The following ASCC3 variants were observed in gnomAD, a reference collection of about 807,000 sequenced individuals.
The protein encoded by ASCC3 is activating signal cointegrator 1 complex subunit 3.
In ASCC3, 158 loss-of-function variants were observed where a neutral mutation model predicts 256.3. The observed-to-expected ratio is 0.62, with a 90% CI of 0.54 to 0.70. The LOEUF (loss-of-function observed/expected upper bound fraction) is 0.70, where lower values mean the gene tolerates loss of function less well. ASCC3 is among the 30% of genes least tolerant of loss of function. The pLI is 0.00. For synonymous variants in ASCC3, 948 were observed against 883.4 expected, an observed-to-expected ratio of 1.07 and a Z score of -1.30; for missense variants, 2,259 against 2,626.0, an observed-to-expected ratio of 0.86 and a Z score of 3.05.
chr6:100,554,235 AGTGT>A (rs944776430), intron 36 of ASCC3, among the ~76,000 whole-genome samples: 3 of 152,190 alleles, frequency 2.0e-5, no homozygotes, highest in African/African-American at 7.2e-5. Context: ...ATGTTGGTTG[AGTGT>A]GTGTGTATTT....
intron 13 of ASCC3, among the ~76,000 whole-genome samples, chr6:100,703,634 T>A (rs1034027838): frequency 1.3e-5 from 2 of 151,992 alleles, no homozygotes; most frequent in African/African-American, 4.8e-5. Context: ...TAAATTTTCA[T>A]TATATTCTAC....
At chr6:100,855,423 C>T (rs1772898340) in intron 3 of ASCC3, among the ~76,000 whole-genome samples, 1 of 152,212 alleles carries the variant, frequency 6.6e-6, no homozygotes, top group Non-Finnish European at 1.5e-5. Context: ...AGCCAGTATC[C>T]ATTCTGTTTA....
chr6:100,602,913 A>G (rs987464743), intron 33 of ASCC3, among the ~76,000 whole-genome samples: 10 of 152,142 alleles, frequency 6.6e-5, no homozygotes, highest in African/African-American at 2.4e-4. Context: ...GAAAATAGTT[A>G]TAATAAGTTG....
At chr6:100,739,122 C>T (rs1780311841) in intron 10 of ASCC3, among the ~76,000 whole-genome samples, 1 of 152,154 alleles carries the variant, frequency 6.6e-6, no homozygotes, top group African/African-American at 2.4e-5. Flanking sequence ...TCCTTCAATA[C>T]AGAGTTTATT....
At chr6:100,826,671 T>C (rs1375037766) in intron 4 of ASCC3, among the ~76,000 whole-genome samples, 3 of 152,268 alleles carry the variant, frequency 2.0e-5, no homozygotes, top group East Asian at 3.9e-4. Context: ...GGATAAAGAA[T>C]GAAGGCCTGC....
At chr6:100,664,935 T>A (rs1282887579) in intron 14 of ASCC3, among the ~76,000 whole-genome samples, 1 of 152,194 alleles carries the variant, frequency 6.6e-6, no homozygotes. Context: ...TTAGGTTAAG[T>A]CTGCTTTCTG....
chr6:100,643,525 C>A (rs149364619), intron 23 of ASCC3, among the ~76,000 whole-genome samples: 1 of 152,042 alleles, frequency 6.6e-6, no homozygotes, highest in Non-Finnish European at 1.5e-5. Flanking sequence ...TGTGTCATTA[C>A]GTAATTTTGT....
At chr6:100,685,883 TTTTG>T (rs1230268683) in intron 13 of ASCC3, among the ~76,000 whole-genome samples, 1 of 152,206 alleles carries the variant, frequency 6.6e-6, no homozygotes, top group Non-Finnish European at 1.5e-5. Context: ...ACTACAGAGT[TTTTG>T]TTTTAGATCA....
chr6:100,633,336 G>A (rs115616598), intron 25 of ASCC3, among the ~76,000 whole-genome samples: 1 of 152,004 alleles, frequency 6.6e-6, no homozygotes, highest in African/African-American at 2.4e-5. Context: ...GAAAGACTGT[G>A]GCAGTATCAC....
At position 100,817,898 on chromosome 6, in the gene ASCC3, G is replaced by A. The variant is rs190690286; in HGVS notation, c.802-12018C>T. Among the ~76,000 whole-genome samples the A allele has an allele frequency of 1.6e-4, 25 of 152,146 alleles. No individual in the cohort carries two copies. The East Asian group carries it at 4.6e-3, about 28-fold the overall frequency. ...ACAAAAAGAGAAGAAAACACTTCCC[G>A]ATTCATTTTAGGACAGTATTACTCT... On this transcript the variant is annotated intron_variant, in intron 4 of 41. Transcript: ENST00000369162.
At chr6:100,727,299 A>AGT (rs1779676678) in intron 10 of ASCC3, among the ~76,000 whole-genome samples, 1 of 152,084 alleles carries the variant, frequency 6.6e-6, no homozygotes, top group African/African-American at 2.4e-5. Flanking sequence ...TACCAGAGAT[A>AGT]GTGCTTCACT....
In ASCC3 at chr6:100,687,038, A is replaced by T. The variant is rs397832759; in HGVS notation, c.2152-7286T>A. Reference sequence around the variant, plus strand: ...CTCTCTCTCTCTCTCTCTCTCTCACACACACACACACACACACACACACAC... The same window carrying T: ...CTCTCTCTCTCTCTCTCTCTCTCACTCACACACACACACACACACACACAC... On this transcript the variant is annotated intron_variant, in intron 13 of 41. Transcript: ENST00000369162. Among the ~76,000 whole-genome samples the T allele has an allele frequency of 2.0e-3, 248 of 122,066 alleles. 2 individuals carry two copies. Among genetic ancestry groups the T allele is most frequent in the African/African-American group, 7.7e-3 (221 of 28,706 alleles). The allele number at this position is 122,066 out of a possible 152,430, so 80.1% of individuals were successfully genotyped here.
Position 100,512,769 on chromosome 6 carries a change from A to G in ASCC3, c.6225T>C (p.His2075=). The change falls in exon 40 of 42, where the codon CAT becomes CAC. Residue 2075 remains histidine, a synonymous_variant. Coordinates refer to ENST00000369162, the MANE Select transcript of ASCC3 (RefSeq NM_006828.4). ...CTTGAAGCACATACTCTTGGTCAGC[A>G]TGCAATTTGATCCATTTGTTGTCAT... ...KRDDNKWIKL[H]ADQEYVLQVS... 2 of 1,614,170 alleles carry G rather than the reference A, an allele frequency of 1.2e-6. No homozygotes were observed. The highest frequency in any genetic ancestry group is 4.5e-5 in the East Asian group (2 of 44,872).
chr6:100,514,951 C>T (rs890751573), intron 39 of ASCC3, among the ~76,000 whole-genome samples: 4 of 152,138 alleles, frequency 2.6e-5, no homozygotes, highest in Non-Finnish European at 5.9e-5. Context: ...ACTGCAGAGC[C>T]GGCACCAGAT....
At chr6:100,849,163 C>G (rs1292652592) in intron 3 of ASCC3, among the ~76,000 whole-genome samples, 1 of 152,068 alleles carries the variant, frequency 6.6e-6, no homozygotes, top group African/African-American at 2.4e-5. Context: ...CAGGAACCAA[C>G]CCATTCCTGA....
At chr6:100,774,299 C>T (rs1782076383) in intron 8 of ASCC3, among the ~76,000 whole-genome samples, 1 of 151,984 alleles carries the variant, frequency 6.6e-6, no homozygotes, top group Admixed American at 6.5e-5. Flanking sequence ...ATGTCACGTG[C>T]ATGTACTCAG....
intron 8 of ASCC3, among the ~76,000 whole-genome samples, chr6:100,771,425 CA>C (rs1228532391): frequency 1.3e-5 from 2 of 151,816 alleles, no homozygotes; most frequent in Non-Finnish European, 2.9e-5. Flanking sequence ...TTGACTTAAG[CA>C]AAATGGAAAA....
rs1775262244 is a variant in ASCC3 at position 100,644,052 on chromosome 6, A to G, written c.3711T>C (p.Tyr1237=). 1 of 1,611,960 alleles carries G rather than the reference A, an allele frequency of 6.2e-7. No individual in the cohort carries two copies. The highest frequency in any genetic ancestry group is 1.3e-5 in the African/African-American group (1 of 74,866). Residue 1237 remains tyrosine, a synonymous_variant, in exon 23 of 42, where the codon TAT becomes TAC. Coordinates refer to ENST00000369162, the MANE Select transcript of ASCC3 (RefSeq NM_006828.4). ...TTACTTGTTTTTTTAGAGCTAGAAA[A>G]TACTCTGAATGATAAATATGATCAT... ...PTNDHIYHSE[Y]FLALKKQVIS...
chr6:100,509,821 G>C (rs1773668152), intron 41 of ASCC3, 111 bp downstream of exon 41: 3 of 1,124,902 alleles, frequency 2.7e-6, no homozygotes, highest in Non-Finnish European at 3.8e-6. Context: ...CCGGGAGGCG[G>C]AGCTTGCAGT....
Sources: allele counts gnomAD v4.1 joint callset (sites outside exome capture counted in the v4.1 genomes callset), GRCh38; gene constraint gnomAD v4.1.1; transcripts MANE v1.5; gene names NCBI Gene and HGNC (gene_info 2026-07-23, HGNC 2026-07-21).